The following GRID2 variants were observed in gnomAD, a reference collection of about 807,000 sequenced individuals.
GRID2 encodes glutamate receptor ionotropic, delta-2.
In GRID2, 33 loss-of-function variants were observed where a neutral mutation model predicts 114.8. The observed-to-expected ratio is 0.29, with a 90% confidence interval of 0.22 to 0.38. GRID2 has a LOEUF of 0.38. Among genes scored for constraint, GRID2 ranks in the 10% least tolerant of loss-of-function variants. GRID2 has a pLI of 1.00. For missense variants in GRID2, 1,184 were observed against 1,257.7 expected, an observed-to-expected ratio of 0.94 and a Z score of 0.89; for synonymous variants, 505 against 449.9, an observed-to-expected ratio of 1.12 and a Z score of -1.55.
chr4:92,780,341 C>G (rs1482894495), intron 2 of GRID2, among the ~76,000 whole-genome samples: 1 of 152,032 alleles, frequency 6.6e-6, no homozygotes, highest in Admixed American at 6.6e-5. Flanking sequence ...ATTCAACATC[C>G]TGAAATATTA....
At chr4:93,765,601 T>C (rs1050125499) in intron 14 of GRID2, among the ~76,000 whole-genome samples, 2 of 105,116 alleles carry the variant, frequency 1.9e-5, no homozygotes, top group Admixed American at 1.0e-4. Context: ...TTTAAATAGG[T>C]GAGGTATTAT....
chr4:92,393,021 T>C (rs532028125), intron 1 of GRID2, among the ~76,000 whole-genome samples: 3 of 152,318 alleles, frequency 2.0e-5, no homozygotes, highest in South Asian at 2.1e-4. Flanking sequence ...TGGCAACATC[T>C]GCTTCTGGAG....
At chr4:93,106,689 A>G (rs192497792) in intron 3 of GRID2, among the ~76,000 whole-genome samples, 2 of 152,266 alleles carry the variant, frequency 1.3e-5, no homozygotes, top group Admixed American at 6.5e-5. Context: ...ATCTTCTCTC[A>G]TTGAACTTAC....
At chr4:93,054,650 T>TA (rs1727056053) in intron 2 of GRID2, among the ~76,000 whole-genome samples, 2 of 152,080 alleles carry the variant, frequency 1.3e-5, no homozygotes, top group Non-Finnish European at 1.5e-5. Flanking sequence ...TTTATAATGT[T>TA]ACCACCTCTT....
At chr4:93,046,776 C>T (rs1027136493) in intron 2 of GRID2, among the ~76,000 whole-genome samples, 4 of 151,768 alleles carry the variant, frequency 2.6e-5, no homozygotes, top group African/African-American at 9.7e-5. Context: ...TGCTTTTATG[C>T]CTTATGTCTT....
intron 2 of GRID2, among the ~76,000 whole-genome samples, chr4:92,942,532 G>C (rs978424866): frequency 2.6e-5 from 4 of 152,144 alleles, no homozygotes; most frequent in African/African-American, 9.7e-5. Context: ...CAATTTGCCA[G>C]ACTGTGTCTT....
At chr4:92,969,925 A>C (rs552223320) in intron 2 of GRID2, among the ~76,000 whole-genome samples, 1 of 152,038 alleles carries the variant, frequency 6.6e-6, no homozygotes, top group Non-Finnish European at 1.5e-5. Flanking sequence ...AACATAAAAT[A>C]GTTTTAAAAA....
intron 12 of GRID2, among the ~76,000 whole-genome samples, chr4:93,513,666 G>A (rs1294297211): frequency 6.6e-6 from 1 of 152,094 alleles, no homozygotes; most frequent in African/African-American, 2.4e-5. Context: ...CAACAGATGT[G>A]TAGAGCAAAA....
Position 93,595,836 on chromosome 4 carries a change from G to A in GRID2, c.2194-30433G>A, listed in dbSNP as rs748141915. Reference sequence around the variant, plus strand: ...TACAAATAAAATGAGATCGTTATTTGCTCTTCAGGTACCACATTAATAACA... The same window carrying A: ...TACAAATAAAATGAGATCGTTATTTACTCTTCAGGTACCACATTAATAACA... On this transcript the variant is annotated intron_variant, in intron 13 of 15. Coordinates refer to ENST00000282020, the MANE Select transcript of GRID2 (RefSeq NM_001510.4). Among the ~76,000 whole-genome samples, 51 of 152,114 alleles carry A rather than the reference G, an allele frequency of 3.4e-4. 1 individual carries two copies. Among genetic ancestry groups the A allele is most frequent in the Admixed American group, 1.6e-3 (25 of 15,276 alleles).
chr4:93,134,667 T>TATTA (rs1560915172), intron 4 of GRID2, among the ~76,000 whole-genome samples: 1 of 152,092 alleles, frequency 6.6e-6, no homozygotes, highest in Non-Finnish European at 1.5e-5. Flanking sequence ...TCTCAGCCAC[T>TATTA]ATTAAGGCAT....
intron 2 of GRID2, among the ~76,000 whole-genome samples, chr4:92,918,986 T>A (rs905854793): frequency 6.6e-6 from 1 of 152,110 alleles, no homozygotes; most frequent in African/African-American, 2.4e-5. Flanking sequence ...GGTCCTGGAC[T>A]TTTTTTGGTT....
chr4:93,209,532 A>T (rs562249915), intron 5 of GRID2, among the ~76,000 whole-genome samples: 1 of 152,102 alleles, frequency 6.6e-6, no homozygotes, highest in African/African-American at 2.4e-5. Context: ...TGTCATTCCT[A>T]TTGTGAATAG....
chr4:92,513,839 T>G (rs982792775), intron 1 of GRID2, among the ~76,000 whole-genome samples: 3 of 151,924 alleles, frequency 2.0e-5, no homozygotes, highest in African/African-American at 7.2e-5. Context: ...GGAAAACTAT[T>G]TTGAAATATA....
At chr4:93,209,055 T>A (rs1743142529) in intron 5 of GRID2, among the ~76,000 whole-genome samples, 1 of 152,022 alleles carries the variant, frequency 6.6e-6, no homozygotes, top group Non-Finnish European at 1.5e-5. Flanking sequence ...TAAAACTTAA[T>A]CTTTTTCAGT....
At chr4:93,093,744 T>TC (rs1257463229) in intron 3 of GRID2, among the ~76,000 whole-genome samples, 67 of 152,028 alleles carry the variant, frequency 4.4e-4, no homozygotes, top group African/African-American at 1.5e-3. Flanking sequence ...GTCCCTCCCT[T>TC]CCCCAAGATT....
chr4:93,646,864 A>T (rs1364553055), intron 14 of GRID2, among the ~76,000 whole-genome samples: 1 of 152,158 alleles, frequency 6.6e-6, no homozygotes, highest in Non-Finnish European at 1.5e-5. Flanking sequence ...TTTCTGAACA[A>T]ATAAATGGAT....
intron 1 of GRID2, among the ~76,000 whole-genome samples, chr4:92,474,039 T>C (rs1419999909): frequency 1.3e-5 from 2 of 151,150 alleles, no homozygotes; most frequent in African/African-American, 4.9e-5. Context: ...GAACTTAAGG[T>C]CTATTCTCTT....
chr4:93,724,227 T>C (rs1729637746), intron 14 of GRID2, among the ~76,000 whole-genome samples: 1 of 152,168 alleles, frequency 6.6e-6, no homozygotes, highest in South Asian at 2.1e-4. Context: ...CAGGGAGCCA[T>C]GACTGCTAGG....
chr4:92,940,828 T>A (rs970632590), intron 2 of GRID2, among the ~76,000 whole-genome samples: 1 of 152,210 alleles, frequency 6.6e-6, no homozygotes, highest in Non-Finnish European at 1.5e-5. Flanking sequence ...GAGATAATCA[T>A]GTGGTTTTTG....
Sources: allele counts gnomAD v4.1 joint callset (sites outside exome capture counted in the v4.1 genomes callset), GRCh38; gene constraint gnomAD v4.1.1; transcripts MANE v1.5; gene names NCBI Gene and HGNC (gene_info 2026-07-23, HGNC 2026-07-21).